ST7: variants seen among roughly 807,000 people sequenced by gnomAD.
The protein encoded by ST7 is suppressor of tumorigenicity 7 protein.
Under a neutral mutation model 78.7 loss-of-function variants are expected in ST7, and 28 were observed. The observed-to-expected ratio is 0.36, with a 90% confidence interval of 0.26 to 0.49. The LOEUF (loss-of-function observed/expected upper bound fraction) is 0.49, where lower values mean the gene tolerates loss of function less well. ST7 is among the 20% of genes least tolerant of loss of function. ST7 has a pLI of 0.99. For synonymous variants in ST7, 247 were observed against 249.6 expected (o/e 0.99, Z 0.10); for missense variants, 418 against 696.0 (o/e 0.60, Z 4.49).
chr7:117,031,991 C>G (rs1465393375), intron 1 of ST7, among the ~76,000 whole-genome samples: 2 of 150,848 alleles, frequency 1.3e-5, no homozygotes, highest in African/African-American at 2.4e-5. Flanking sequence ...AAGCAATTCT[C>G]CTGCCTCAGC....
intron 1 of ST7, chr7:116,973,008 A>G: frequency 1.4e-6 from 1 of 715,674 alleles, no homozygotes. Flanking sequence ...TCACTTATCC[A>G]TTCATTTGTT....
At chr7:117,069,509 A>G (rs1176282326) in intron 1 of ST7, among the ~76,000 whole-genome samples, 3 of 152,204 alleles carry the variant, frequency 2.0e-5, no homozygotes, top group Non-Finnish European at 4.4e-5. Context: ...TACGTAATTC[A>G]GTTTTTCCCT....
At chr7:117,054,308 T>C (rs1234075885) in intron 1 of ST7, among the ~76,000 whole-genome samples, 1 of 152,180 alleles carries the variant, frequency 6.6e-6, no homozygotes, top group African/African-American at 2.4e-5. Flanking sequence ...TCAGTAAGGT[T>C]GTGTCTCTCT....
intron 1 of ST7, 60 bp from the exon 2 acceptor site, chr7:117,099,702 T>G (rs1801418058): frequency 8.1e-7 from 1 of 1,240,136 alleles, no homozygotes; most frequent in African/African-American, 1.5e-5. Context: ...AAGAGCTGGT[T>G]TTACTGACAT....
chr7:117,086,276 G>GC (rs751323374), intron 1 of ST7, among the ~76,000 whole-genome samples: 10 of 152,090 alleles, frequency 6.6e-5, no homozygotes, highest in Non-Finnish European at 1.2e-4. Flanking sequence ...ATACAACTGG[G>GC]CCAGAGGTAC....
chr7:117,151,161 T>C (rs1185429905), intron 9 of ST7, among the ~76,000 whole-genome samples: 3 of 152,240 alleles, frequency 2.0e-5, no homozygotes, highest in African/African-American at 7.2e-5. Context: ...AAACTACTTT[T>C]TTAAAACTCA....
intron 14 of ST7, among the ~76,000 whole-genome samples, chr7:117,221,711 G>C (rs1300434433): frequency 6.6e-6 from 1 of 152,192 alleles, no homozygotes; most frequent in Non-Finnish European, 1.5e-5. Flanking sequence ...TCAATTTAGA[G>C]TGCTGAAGGC....
At chr7:117,006,894 G>C (rs1405457480) in intron 1 of ST7, among the ~76,000 whole-genome samples, 1 of 152,188 alleles carries the variant, frequency 6.6e-6, no homozygotes, top group Admixed American at 6.5e-5. Flanking sequence ...GTTTTGGGGT[G>C]CCGCAAACCA....
intron 1 of ST7, among the ~76,000 whole-genome samples, chr7:117,079,898 G>T (rs1015152731): frequency 6.9e-6 from 1 of 145,362 alleles, no homozygotes; most frequent in African/African-American, 2.5e-5. Flanking sequence ...TTTCAAGTCT[G>T]TAGTGAAGAA....
chr7:117,092,002 G>T (rs1373800693), intron 1 of ST7, among the ~76,000 whole-genome samples: 4 of 152,108 alleles, frequency 2.6e-5, no homozygotes, highest in Non-Finnish European at 1.5e-5. Context: ...TGTGGTCCAC[G>T]TGGCCACTTC....
intron 1 of ST7, among the ~76,000 whole-genome samples, chr7:116,964,709 G>A (rs973663640): frequency 2.6e-5 from 4 of 152,128 alleles, no homozygotes; most frequent in African/African-American, 9.7e-5. Context: ...GGCTTTTTAA[G>A]GAAAGTATTT....
chr7:116,971,872 A>G (rs71564577), intron 1 of ST7, among the ~76,000 whole-genome samples: 11 of 152,268 alleles, frequency 7.2e-5, no homozygotes, highest in Non-Finnish European at 1.0e-4. Context: ...GCAACAAAAA[A>G]GGTAATCACA....
intron 1 of ST7, among the ~76,000 whole-genome samples, chr7:117,008,181 C>A (rs768831819): frequency 6.6e-6 from 1 of 152,088 alleles, no homozygotes; most frequent in African/African-American, 2.4e-5. Flanking sequence ...TCATGATCAG[C>A]GTAACTCATT....
At position 116,969,043 on chromosome 7, in the gene ST7, C is replaced by T. The variant is rs143917224; in HGVS notation, c.151+15352C>T. Among the ~76,000 whole-genome samples, 171 of 152,310 alleles carry T rather than the reference C, an allele frequency of 1.1e-3. 1 individual carries two copies. Among genetic ancestry groups the T allele is most frequent in the African/African-American group, 3.8e-3 (159 of 41,572 alleles). On this transcript the variant is annotated intron_variant, in intron 1 of 15. Transcript: ENST00000323984. ...GGGGTGACCCATCATCCATATTTAA[C>T]GTTTGTTAACATTTCGCCACAAGTG...
chr7:117,107,153 T>G (rs748242204), intron 2 of ST7, among the ~76,000 whole-genome samples: 3 of 152,210 alleles, frequency 2.0e-5, no homozygotes, highest in Non-Finnish European at 4.4e-5. Context: ...ACACCACATT[T>G]TCTTTATCCA....
intron 15 of ST7, chr7:117,222,877 G>C (rs756245028): frequency 6.2e-7 from 1 of 1,614,066 alleles, no homozygotes; most frequent in South Asian, 1.1e-5. Flanking sequence ...GACATTTTCT[G>C]CTCGGCAGAG....
chr7:117,097,511 A>G (rs947725863), intron 1 of ST7, among the ~76,000 whole-genome samples: 2 of 151,516 alleles, frequency 1.3e-5, no homozygotes, highest in East Asian at 1.9e-4. Flanking sequence ...TTTAGTAGAG[A>G]TGGGGTTTTG....
At chr7:117,020,325 C>T (rs776617665) in intron 1 of ST7, 8 of 445,090 alleles carry the variant, frequency 1.8e-5, no homozygotes, top group Non-Finnish European at 3.2e-5. Context: ...CCAGAAGAGG[C>T]ACGTCGGCCT....
chr7:117,065,271 C>T (rs750307009), intron 1 of ST7, among the ~76,000 whole-genome samples: 44 of 146,810 alleles, frequency 3.0e-4, no homozygotes, highest in African/African-American at 1.1e-3. Context: ...TGCAGTGGCA[C>T]GATCTCCGCT....
Sources: allele counts gnomAD v4.1 joint callset (sites outside exome capture counted in the v4.1 genomes callset), GRCh38; gene constraint gnomAD v4.1.1; transcripts MANE v1.5; gene names NCBI Gene and HGNC (gene_info 2026-07-23, HGNC 2026-07-21).